The following ACER1 variants were observed in gnomAD, a reference collection of about 807,000 sequenced individuals.
ACER1 encodes the protein alkaline ceramidase 1.
A neutral mutation model predicts 24.9 loss-of-function variants in ACER1; 28 were observed. The ratio of observed to expected loss-of-function variants is 1.13; its 90% CI spans 0.83 to 1.54. ACER1 has a LOEUF of 1.54. ACER1 is among the 40% of genes most tolerant of loss of function. ACER1 has a pLI of 0.00. For synonymous variants in ACER1, 132 were observed against 131.4 expected (o/e 1.00, Z -0.03); for missense variants, 352 against 349.3 (o/e 1.01, Z -0.06).
intron 1 of ACER1, among the ~76,000 whole-genome samples, chr19:6,328,487 A>C (rs2091671899): frequency 1.7e-5 from 2 of 119,816 alleles, no homozygotes; most frequent in African/African-American, 3.7e-5. Context: ...ACAGACTGAG[A>C]CTCCATCTCA....
At chr19:6,343,007 C>T in the ACER1 span, among the ~76,000 whole-genome samples, 1 of 152,038 alleles carries the variant, frequency 6.6e-6, no homozygotes, top group Non-Finnish European at 1.5e-5. Flanking sequence ...GAACTCCCGA[C>T]CTCAGGTGAT....
At chr19:6,316,004 T>C (rs1190738162) in intron 1 of ACER1, among the ~76,000 whole-genome samples, 1 of 152,134 alleles carries the variant, frequency 6.6e-6, no homozygotes, top group Non-Finnish European at 1.5e-5. Context: ...GGTGTGTGCC[T>C]GTGAGTCCAG....
chr19:6,346,519 CTTT>C, the ACER1 span, among the ~76,000 whole-genome samples: 10 of 130,914 alleles, frequency 7.6e-5, no homozygotes, highest in Non-Finnish European at 9.9e-5. Context: ...TTTTTCTTTT[CTTT>C]TTTTTTTTTT....
At chr19:6,339,514 A>T in the ACER1 span, among the ~76,000 whole-genome samples, 1 of 152,126 alleles carries the variant, frequency 6.6e-6, no homozygotes, top group East Asian at 1.9e-4. Context: ...GTTTGGAAAG[A>T]TGAGAAAGTT....
intron 3 of ACER1, among the ~76,000 whole-genome samples, chr19:6,310,178 C>A (rs1013334673): frequency 2.0e-5 from 3 of 152,036 alleles, no homozygotes; most frequent in Non-Finnish European, 4.4e-5. Flanking sequence ...AGCTCCACCT[C>A]CCAGGTTCAC....
At chr19:6,331,115 G>C (rs1356398399) in intron 1 of ACER1, among the ~76,000 whole-genome samples, 1 of 147,554 alleles carries the variant, frequency 6.8e-6, no homozygotes, top group Non-Finnish European at 1.5e-5. Context: ...GGTGTTTCAC[G>C]TAAAATGTTT....
the ACER1 span, among the ~76,000 whole-genome samples, chr19:6,352,482 C>T: frequency 6.6e-6 from 1 of 152,112 alleles, no homozygotes; most frequent in East Asian, 1.9e-4. Flanking sequence ...ATATTCCAGC[C>T]CCAGAAAATC....
At chr19:6,341,235 A>G in the ACER1 span, among the ~76,000 whole-genome samples, 2 of 145,462 alleles carry the variant, frequency 1.4e-5, no homozygotes, top group African/African-American at 2.5e-5. Context: ...GCTTGAACCC[A>G]GGAGGTGGAG....
chr19:6,315,060 T>C (rs1179813949), intron 1 of ACER1, among the ~76,000 whole-genome samples: 1 of 145,916 alleles, frequency 6.9e-6, no homozygotes, highest in Non-Finnish European at 1.5e-5. Flanking sequence ...CCCAGCTAAT[T>C]ATTTTTTTGT....
At chr19:6,345,605 C>T in the ACER1 span, among the ~76,000 whole-genome samples, 3 of 149,162 alleles carry the variant, frequency 2.0e-5, no homozygotes, top group African/African-American at 7.4e-5. Flanking sequence ...CACTCTGTCA[C>T]CCAGGCTGGA....
chr19:6,351,314 C>T, the ACER1 span, among the ~76,000 whole-genome samples: 1 of 151,410 alleles, frequency 6.6e-6, no homozygotes, highest in Non-Finnish European at 1.5e-5. Flanking sequence ...TGCAGTGAGC[C>T]GAGATTGCGC....
intron 1 of ACER1, among the ~76,000 whole-genome samples, chr19:6,318,910 G>C (rs1481159597): frequency 6.6e-6 from 1 of 151,182 alleles, no homozygotes; most frequent in Non-Finnish European, 1.5e-5. Context: ...GTGATTAAGA[G>C]GGTGCTCCCC....
intron 1 of ACER1, among the ~76,000 whole-genome samples, chr19:6,315,232 C>T (rs548738794): frequency 2.0e-3 from 301 of 151,260 alleles, no homozygotes; most frequent in African/African-American, 6.9e-3. Context: ...GAGACAGGGT[C>T]TCTCTCTGTT....
At chr19:6,310,749 A>G (rs2091575467) in intron 3 of ACER1, among the ~76,000 whole-genome samples, 1 of 151,516 alleles carries the variant, frequency 6.6e-6, no homozygotes, top group South Asian at 2.1e-4. Context: ...ATGTGGTGGC[A>G]TGTGCCTGTA....
the ACER1 span, among the ~76,000 whole-genome samples, chr19:6,347,109 A>AAAAAAAAAAATATATATATATATATATAT: frequency 8.8e-6 from 1 of 113,818 alleles, no homozygotes; most frequent in African/African-American, 5.1e-5. Context: ...AAAAAAAAAA[A>AAAAAAAAAAATATATATATATATATATAT]ATATATATAT....
chr19:6,355,752 G>T, the ACER1 span, among the ~76,000 whole-genome samples: 2 of 141,720 alleles, frequency 1.4e-5, no homozygotes, highest in African/African-American at 5.6e-5. Context: ...GGGAGGTGGG[G>T]GGGTCAGCCC....
chr19:6,337,303 A>AAAAAG (rs1219051313), upstream of ACER1, among the ~76,000 whole-genome samples: 1 of 152,146 alleles, frequency 6.6e-6, no homozygotes, highest in Non-Finnish European at 1.5e-5. Context: ...GACTTTGACA[A>AAAAAG]AAAAGAAAAG....
At chr19:6,329,354 G>GAC (rs2091676413) in intron 1 of ACER1, among the ~76,000 whole-genome samples, 3 of 35,020 alleles carry the variant, frequency 8.6e-5, no homozygotes, top group African/African-American at 3.2e-4. Flanking sequence ...GAGGCTTTTT[G>GAC]ATATAGAATA....
intron 3 of ACER1, among the ~76,000 whole-genome samples, chr19:6,310,110 C>T (rs1047741587): frequency 1.1e-4 from 16 of 150,726 alleles, no homozygotes; most frequent in Middle Eastern, 3.4e-3. Flanking sequence ...TTTTTTGAGA[C>T]GGAGTCTCGC....
Sources: gnomAD v4.1 joint callset for allele counts (sites outside exome capture counted in the v4.1 genomes callset) on GRCh38, gnomAD v4.1.1 for gene constraint, MANE v1.5 for transcripts, NCBI Gene and HGNC (gene_info 2026-07-23, HGNC 2026-07-21) for gene names.